The following TFEC variants were observed in gnomAD, a reference collection of about 807,000 sequenced individuals.
TFEC encodes class E basic helix-loop-helix protein 34.
A neutral mutation model predicts 41.6 loss-of-function variants in TFEC; 31 were observed. That is an observed-to-expected ratio of 0.74 (90% CI 0.56 to 1.01). The LOEUF (loss-of-function observed/expected upper bound fraction) is 1.01. Ranked by LOEUF, TFEC falls within the 50% of genes least tolerant of loss-of-function variation. TFEC has a pLI of 0.00. For synonymous variants in TFEC, 143 were observed against 140.6 expected (o/e 1.02, Z -0.12); for missense variants, 402 against 404.1 (o/e 0.99, Z 0.04).
chr7:115,953,087 A>G (rs1031912386), intron 5 of TFEC, among the ~76,000 whole-genome samples: 1 of 152,002 alleles, frequency 6.6e-6, no homozygotes, highest in Non-Finnish European at 1.5e-5. Context: ...AGGGCTGTAT[A>G]TGGAGCTTGA....
chr7:116,115,609 C>A (rs1007293008), intron 1 of TFEC, among the ~76,000 whole-genome samples: 44 of 151,842 alleles, frequency 2.9e-4, no homozygotes, highest in African/African-American at 1.1e-3. Context: ...CCAAAGATAA[C>A]CCCACAAAAA....
In TFEC at chr7:115,940,816, T is replaced by A. The variant is rs751797586; in HGVS notation, c.779A>T (p.Asp260Val). ...QQSHPEQNSV[D>V]YCQQLTVSQG... Reference sequence around the variant, plus strand: ...AGACACAGTCAGTTGTTGGCAATAGTCTACTGAATTCTGCTCAGGATGGCT... The same window carrying A: ...AGACACAGTCAGTTGTTGGCAATAGACTACTGAATTCTGCTCAGGATGGCT... Residue 260 changes from aspartate (D) to valine (V), a missense_variant, in exon 8 of 8, where the codon GAC becomes GTC. Physicochemically the swap from Asp to Val is radical, Grantham distance 152 (BLOSUM62 -3). Coordinates refer to ENST00000265440, the MANE Select transcript of TFEC (RefSeq NM_012252.4). 60 of 1,613,546 alleles carry A rather than the reference T, an allele frequency of 3.7e-5. No individual in the cohort carries two copies. The Admixed American group carries it at 9.8e-4, about 26-fold the overall frequency.
intron 1 of TFEC, among the ~76,000 whole-genome samples, chr7:116,128,276 T>C (rs1798256148): frequency 1.3e-5 from 2 of 152,048 alleles, no homozygotes; most frequent in South Asian, 2.1e-4. Flanking sequence ...AATAGAATAA[T>C]TGAGACTTTT....
chr7:116,007,757 G>T (rs1394542587), intron 1 of TFEC, among the ~76,000 whole-genome samples: 1 of 152,140 alleles, frequency 6.6e-6, no homozygotes. Context: ...ATTCTCTATT[G>T]TATAAGACTG....
At position 115,953,207 on chromosome 7, in the gene TFEC, C is replaced by T. The variant is rs1411122181; in HGVS notation, c.439+1379G>A. Among the ~76,000 whole-genome samples the T allele has an allele frequency of 3.5e-5, 5 of 141,772 alleles. No individual in the cohort carries two copies. The East Asian group carries it at 9.7e-4, about 28-fold the overall frequency. The allele number at this position is 141,772 out of a possible 152,430, so 93.0% of individuals were successfully genotyped here. A position where few individuals can be genotyped will look rare whatever the true frequency, so the allele number is the denominator to read the frequency against. ...GGCTGCAAGCTGAGAGCTGACACTG[C>T]CCTGCCCTGACATTTTCACGCCAAA... On this transcript the variant is annotated intron_variant, in intron 5 of 7. Coordinates refer to ENST00000265440, the MANE Select transcript of TFEC (RefSeq NM_012252.4).
At chr7:115,953,483 C>G (rs1792057700) in intron 5 of TFEC, among the ~76,000 whole-genome samples, 1 of 152,002 alleles carries the variant, frequency 6.6e-6, no homozygotes, top group Non-Finnish European at 1.5e-5. Context: ...AATGGATATA[C>G]AGGACACCAT....
At chr7:116,107,367 C>G (rs1797744679) in intron 3 of TFEC, among the ~76,000 whole-genome samples, 1 of 152,178 alleles carries the variant, frequency 6.6e-6, no homozygotes, top group Non-Finnish European at 1.5e-5. Context: ...AATGACCAGG[C>G]CAAGGGCTAG....
intron 1 of TFEC, among the ~76,000 whole-genome samples, chr7:116,158,321 A>T (rs1270153523): frequency 6.6e-6 from 1 of 152,092 alleles, no homozygotes; most frequent in East Asian, 1.9e-4. Flanking sequence ...AAGTAATATC[A>T]GCTAAAACTC....
intron 1 of TFEC, among the ~76,000 whole-genome samples, chr7:116,013,961 G>C (rs990705513): frequency 2.6e-5 from 4 of 152,062 alleles, no homozygotes; most frequent in African/African-American, 9.7e-5. Context: ...TCTACCATCA[G>C]AAAATATTAA....
chr7:115,968,149 C>T, intron 3 of TFEC: 4 of 1,511,478 alleles, frequency 2.6e-6, no homozygotes, highest in Non-Finnish European at 8.8e-7. Context: ...GTTTCATCTC[C>T]AAACACTGAA....
At chr7:116,157,154 A>G (rs1452671709) in intron 1 of TFEC, 2 of 152,094 alleles carry the variant, frequency 1.3e-5, no homozygotes, top group Non-Finnish European at 2.9e-5. Flanking sequence ...AAATTTTCCT[A>G]TATCTCAATG....
intron 3 of TFEC, among the ~76,000 whole-genome samples, chr7:115,961,665 A>C (rs958337380): frequency 6.6e-6 from 1 of 151,740 alleles, no homozygotes; most frequent in South Asian, 2.1e-4. Flanking sequence ...AAACTGATTA[A>C]ATGAATAACA....
chr7:116,074,850 A>G (rs1360057934), intron 3 of TFEC, among the ~76,000 whole-genome samples: 1 of 152,212 alleles, frequency 6.6e-6, no homozygotes, highest in East Asian at 1.9e-4. Context: ...ACAATAGCAA[A>G]AAGCAGAAGC....
In TFEC at chr7:115,943,606, T is replaced by C. The variant is rs143059981; in HGVS notation, c.516-1566A>G. The stretch of plus-strand genomic sequence containing the variant: ...AGAAATTTTAATGTACTAGATTCTT[T>C]CCTATTTATTTTTTATATTTACTAA... On this transcript the variant is annotated intron_variant, in intron 6 of 7. Transcript: ENST00000265440. Among the ~76,000 whole-genome samples, 120 of 151,874 alleles carry C rather than the reference T, an allele frequency of 7.9e-4. 5 individuals carry two copies. In the East Asian group the frequency reaches 0.018, roughly 23 times the overall value.
At chr7:115,945,818 G>T (rs1791507483) in intron 6 of TFEC, among the ~76,000 whole-genome samples, 1 of 151,674 alleles carries the variant, frequency 6.6e-6, no homozygotes, top group African/African-American at 2.4e-5. Flanking sequence ...GACAAACTAC[G>T]GCCCATAGCT....
chr7:116,049,595 A>G (rs1796259136), intron 3 of TFEC, among the ~76,000 whole-genome samples: 1 of 152,142 alleles, frequency 6.6e-6, no homozygotes, highest in South Asian at 2.1e-4. Flanking sequence ...ACAAGGATAT[A>G]CAGGAATTGA....
chr7:116,076,202 G>A (rs1241791618), intron 3 of TFEC, among the ~76,000 whole-genome samples: 1 of 152,162 alleles, frequency 6.6e-6, no homozygotes, highest in African/African-American at 2.4e-5. Context: ...CTTTCAAGAA[G>A]CCCCATTCCT....
At chr7:116,091,635 C>T (rs1273388855) in intron 3 of TFEC, among the ~76,000 whole-genome samples, 1 of 152,034 alleles carries the variant, frequency 6.6e-6, no homozygotes, top group African/African-American at 2.4e-5. Context: ...AAATAGATGT[C>T]AAAATTGAGT....
In TFEC at chr7:115,938,110, T is replaced by A. The variant is rs1201303938; in HGVS notation, c.*2441A>T. On this transcript the variant is annotated 3_prime_UTR_variant, in exon 8 of 8. Transcript: ENST00000265440. The stretch of plus-strand genomic sequence containing the variant: ...GATCTCTTGTGTCCAGGCTCTATCA[T>A]CCTGTGCCAAGTCCTTATCTCAGCC... 6.6e-6 allele frequency: 1 copy of A among 151,886 alleles called. No homozygotes were observed. Among genetic ancestry groups the A allele is most frequent in the Non-Finnish European group, 1.5e-5 (1 of 67,896 alleles). The allele number at this position is 151,886 out of a possible 1,614,324, so 9.4% of individuals were successfully genotyped here.
Sources: allele counts gnomAD v4.1 joint callset (sites outside exome capture counted in the v4.1 genomes callset), GRCh38; gene constraint gnomAD v4.1.1; transcripts MANE v1.5; gene names NCBI Gene and HGNC (gene_info 2026-07-23, HGNC 2026-07-21).